NCALD: variants seen among roughly 807,000 people sequenced by gnomAD.
The protein encoded by NCALD is neurocalcin-delta.
A neutral mutation model predicts 18.6 loss-of-function variants in NCALD; 10 were observed. The observed-to-expected ratio is 0.54, with a 90% CI of 0.33 to 0.91. The LOEUF is 0.91. NCALD is among the 40% of genes least tolerant of loss of function. The pLI is 0.03. For synonymous variants in NCALD, 88 were observed against 87.4 expected (o/e 1.01, Z -0.04); for missense variants, 184 against 247.6 (o/e 0.74, Z 1.72).
intron 4 of NCALD, among the ~76,000 whole-genome samples, chr8:101,866,280 T>C (rs1354263430): frequency 6.6e-6 from 1 of 152,198 alleles, no homozygotes; most frequent in African/African-American, 2.4e-5. Flanking sequence ...TGGTTCCCCC[T>C]CATCCTCCTG....
At chr8:101,743,918 C>G (rs1810319508) in intron 1 of NCALD, among the ~76,000 whole-genome samples, 1 of 152,164 alleles carries the variant, frequency 6.6e-6, no homozygotes, top group Admixed American at 6.5e-5. Context: ...CAAGGCTCGG[C>G]TGGGAAATCA....
rs142760968 is a variant in NCALD at position 102,059,687 on chromosome 8, A to T, written c.-209-39398T>A. Among the ~76,000 whole-genome samples, 1,054 of 152,364 alleles carry T rather than the reference A, an allele frequency of 6.9e-3. 11 individuals carry two copies. Among genetic ancestry groups the T allele is most frequent in the Middle Eastern group, 0.017 (5 of 294 alleles). On this transcript the variant is annotated intron_variant, in intron 1 of 6. Coordinates refer to the NCALD transcript ENST00000311028. ...AAAAGATTGAGTATTTAATGATCTC[A>T]TAAGAATTATCTGCTAAATTTGTTA...
chr8:101,742,765 C>A (rs919471396), intron 1 of NCALD, among the ~76,000 whole-genome samples: 22 of 152,090 alleles, frequency 1.4e-4, no homozygotes, highest in Non-Finnish European at 2.2e-4. Flanking sequence ...GCCTGTCAAC[C>A]TATTGCCTAG....
chr8:101,898,876 C>T (rs1267609512), intron 3 of NCALD, among the ~76,000 whole-genome samples: 1 of 152,026 alleles, frequency 6.6e-6, no homozygotes, highest in Non-Finnish European at 1.5e-5. Context: ...CTTACTTTTG[C>T]ATATAAATTT....
At chr8:102,000,181 C>G (rs1346647377) in intron 2 of NCALD, among the ~76,000 whole-genome samples, 4 of 152,250 alleles carry the variant, frequency 2.6e-5, no homozygotes, top group Non-Finnish European at 5.9e-5. Flanking sequence ...CACCCTAATA[C>G]TGCGCTTTTC....
intron 1 of NCALD, among the ~76,000 whole-genome samples, chr8:102,080,121 G>C (rs1351756627): frequency 6.6e-6 from 1 of 152,148 alleles, no homozygotes; most frequent in Admixed American, 6.6e-5. Flanking sequence ...ATCCGCCCAA[G>C]GAAATATAAT....
At chr8:102,095,002 C>T (rs61259105) in intron 1 of NCALD, among the ~76,000 whole-genome samples, 13,258 of 152,220 alleles carry the variant, frequency 0.087, 1,540 homozygotes, top group African/African-American at 0.27. Flanking sequence ...TAAAGGAATA[C>T]AATTCTGTTG....
At chr8:101,930,740 C>G (rs1404783618) in intron 2 of NCALD, among the ~76,000 whole-genome samples, 2 of 152,116 alleles carry the variant, frequency 1.3e-5, no homozygotes, top group Non-Finnish European at 2.9e-5. Flanking sequence ...GGTCTTGGCT[C>G]TAAAATACTT....
At chr8:101,768,393 G>A (rs1020026388) in intron 1 of NCALD, among the ~76,000 whole-genome samples, 11 of 13,716 alleles carry the variant, frequency 8.0e-4, no homozygotes, top group African/African-American at 2.5e-3. Context: ...GTAGGAGGGC[G>A]GCCAATGAGA....
At chr8:101,930,789 TC>T (rs1287134718) in intron 2 of NCALD, among the ~76,000 whole-genome samples, 1 of 152,070 alleles carries the variant, frequency 6.6e-6, no homozygotes, top group Non-Finnish European at 1.5e-5. Flanking sequence ...TTCAAACCAA[TC>T]CTTTGCCAGC....
chr8:101,775,087 C>A (rs564081309), intron 1 of NCALD, among the ~76,000 whole-genome samples: 2 of 152,190 alleles, frequency 1.3e-5, no homozygotes, highest in Admixed American at 6.5e-5. Context: ...GGACTGAGAA[C>A]TTCCTACTGG....
intron 4 of NCALD, among the ~76,000 whole-genome samples, chr8:101,828,291 G>A (rs920514273): frequency 5.3e-5 from 8 of 152,250 alleles, no homozygotes; most frequent in Middle Eastern, 3.4e-3. Flanking sequence ...TTGCAAGACC[G>A]AGGCTCTGCC....
intron 3 of NCALD, among the ~76,000 whole-genome samples, chr8:101,911,780 C>T (rs1817810644): frequency 6.6e-6 from 1 of 152,168 alleles, no homozygotes; most frequent in African/African-American, 2.4e-5. Flanking sequence ...ATGTCTGAGA[C>T]ATAAATAGCA....
intron 2 of NCALD, among the ~76,000 whole-genome samples, chr8:101,701,829 T>C (rs1224830087): frequency 6.6e-6 from 1 of 152,216 alleles, no homozygotes; most frequent in African/African-American, 2.4e-5. Flanking sequence ...TCCTTAGACT[T>C]TCTCACCTTG....
chr8:102,095,356 G>C (rs768228113), intron 1 of NCALD, among the ~76,000 whole-genome samples: 2 of 152,142 alleles, frequency 1.3e-5, no homozygotes, highest in Non-Finnish European at 1.5e-5. Flanking sequence ...TGTTCTGATG[G>C]TGAGGCAGGA....
chr8:101,871,843 G>C, intron 4 of NCALD: 1 of 523,250 alleles, frequency 1.9e-6, no homozygotes, highest in Middle Eastern at 5.4e-4. Context: ...GTCACCCTTG[G>C]AATCGCTGTC....
intron 2 of NCALD, among the ~76,000 whole-genome samples, chr8:102,010,505 C>G (rs1003320196): frequency 6.6e-6 from 1 of 152,160 alleles, no homozygotes; most frequent in Admixed American, 6.5e-5. Flanking sequence ...AAAAGTCTTT[C>G]ATGAGGATTA....
In NCALD at chr8:102,014,327, T is replaced by C. The variant is rs112981831; in HGVS notation, c.-157+5910A>G. 4.0e-3 allele frequency among the ~76,000 whole-genome samples: 615 copies of C among 152,264 alleles called. 4 individuals carry two copies. Among genetic ancestry groups the C allele is most frequent in the African/African-American group, 0.014 (574 of 41,554 alleles). On this transcript the variant is annotated intron_variant, in intron 2 of 6. Transcript: ENST00000311028. ...CATGATGGAAGGGGCAAAATTCCCA[T>C]AGGTTTCTTTTATTAGGGCATGAAT...
chr8:101,891,817 C>T (rs75864288), intron 3 of NCALD, among the ~76,000 whole-genome samples: 10 of 152,306 alleles, frequency 6.6e-5, no homozygotes, highest in South Asian at 2.1e-4. Flanking sequence ...GCTTAAAAAA[C>T]GGAGCACCAC....
Sources: allele counts gnomAD v4.1 joint callset (sites outside exome capture counted in the v4.1 genomes callset), GRCh38; gene constraint gnomAD v4.1.1; transcripts MANE v1.5; gene names NCBI Gene and HGNC (gene_info 2026-07-23, HGNC 2026-07-21).